Variants in NEGR1 observed in about 807,000 individuals in gnomAD.
NEGR1 encodes the protein IgLON family member 4.
In NEGR1, 10 loss-of-function variants were observed where a neutral mutation model predicts 40.9. The ratio of observed to expected loss-of-function variants is 0.24; its 90% CI spans 0.15 to 0.42. NEGR1 has a LOEUF of 0.42. NEGR1 is among the 10% of genes least tolerant of loss of function. NEGR1 has a pLI of 1.00. For missense variants in NEGR1, 352 were observed against 438.9 expected (o/e 0.80, Z 1.77); for synonymous variants, 185 against 166.8 (o/e 1.11, Z -0.84).
intron 1 of NEGR1, among the ~76,000 whole-genome samples, chr1:71,969,529 A>ACAT (rs1646238768): frequency 6.6e-6 from 1 of 152,164 alleles, no homozygotes; most frequent in Non-Finnish European, 1.5e-5. Flanking sequence ...CCAGTCAATC[A>ACAT]CATTTTCTGC....
chr1:72,236,935 T>C (rs1654568137), intron 1 of NEGR1, among the ~76,000 whole-genome samples: 1 of 152,016 alleles, frequency 6.6e-6, no homozygotes, highest in Non-Finnish European at 1.5e-5. Flanking sequence ...TTTTGTATTA[T>C]TGAGGATAGT....
At chr1:71,770,068 A>C (rs1270194590) in intron 3 of NEGR1, among the ~76,000 whole-genome samples, 1 of 152,184 alleles carries the variant, frequency 6.6e-6, no homozygotes, top group South Asian at 2.1e-4. Flanking sequence ...GCACCATCTC[A>C]TAAGTAAATT....
At chr1:71,426,447 T>C (rs1343518504) in intron 6 of NEGR1, among the ~76,000 whole-genome samples, 3 of 152,188 alleles carry the variant, frequency 2.0e-5, no homozygotes, top group Admixed American at 6.5e-5. Flanking sequence ...AATAGCAATT[T>C]ATGTTAAAAG....
At chr1:72,057,870 A>T (rs1282096957) in intron 1 of NEGR1, among the ~76,000 whole-genome samples, 2 of 151,360 alleles carry the variant, frequency 1.3e-5, no homozygotes, top group Non-Finnish European at 3.0e-5. Context: ...GCACCAGCCT[A>T]TGGGATTAGG....
chr1:71,801,108 T>G (rs1010247731), intron 2 of NEGR1, among the ~76,000 whole-genome samples: 9 of 152,168 alleles, frequency 5.9e-5, no homozygotes, highest in African/African-American at 2.2e-4. Flanking sequence ...TTACTCAACG[T>G]TTAGAATAAT....
intron 6 of NEGR1, among the ~76,000 whole-genome samples, chr1:71,443,850 A>T (rs1158563229): frequency 6.6e-6 from 1 of 152,222 alleles, no homozygotes; most frequent in Non-Finnish European, 1.5e-5. Flanking sequence ...GTCGTGATTA[A>T]CTGAGGTCCA....
rs1479618311 is a variant in NEGR1 at position 71,636,971 on chromosome 1, A to G, written c.668-25825T>C. On this transcript the variant is annotated intron_variant, in intron 4 of 6. Coordinates refer to ENST00000357731, the MANE Select transcript of NEGR1 (RefSeq NM_173808.3). ...TAAAAATCCTTACAAGTATTTATGT[A>G]CGGAATAGGAATAGTATGAAAAGAC... 2.0e-5 allele frequency among the ~76,000 whole-genome samples: 3 copies of G among 152,214 alleles called. No individual in the cohort carries two copies. The East Asian group carries it at 5.8e-4, about 29-fold the overall frequency.
intron 1 of NEGR1, among the ~76,000 whole-genome samples, chr1:71,955,014 T>C (rs1341642469): frequency 6.6e-6 from 1 of 152,170 alleles, no homozygotes; most frequent in Non-Finnish European, 1.5e-5. Flanking sequence ...AAATTAATAG[T>C]TTAAAGCAAC....
chr1:71,585,297 A>G (rs1649266505), intron 6 of NEGR1, among the ~76,000 whole-genome samples: 1 of 152,130 alleles, frequency 6.6e-6, no homozygotes, highest in East Asian at 1.9e-4. Context: ...TTACAGCTGA[A>G]AGGTAACATG....
intron 6 of NEGR1, among the ~76,000 whole-genome samples, chr1:71,447,837 A>AT (rs979577937): frequency 5.9e-5 from 9 of 152,178 alleles, no homozygotes; most frequent in East Asian, 1.9e-4. Flanking sequence ...TGAATGAAAT[A>AT]TTTTTTTCTG....
intron 6 of NEGR1, among the ~76,000 whole-genome samples, chr1:71,494,058 C>T (rs1479061602): frequency 6.6e-6 from 1 of 152,164 alleles, no homozygotes; most frequent in Non-Finnish European, 1.5e-5. Flanking sequence ...GGAATTTCAC[C>T]TCATCAAAGA....
At chr1:71,583,687 G>A (rs1399836962) in intron 6 of NEGR1, among the ~76,000 whole-genome samples, 1 of 152,056 alleles carries the variant, frequency 6.6e-6, no homozygotes, top group Non-Finnish European at 1.5e-5. Context: ...CTATAGTTAT[G>A]GTCACTAATT....
chr1:71,981,472 G>A (rs1646353883), intron 1 of NEGR1, among the ~76,000 whole-genome samples: 1 of 152,108 alleles, frequency 6.6e-6, no homozygotes, highest in Non-Finnish European at 1.5e-5. Flanking sequence ...GAACAGGACT[G>A]GGTATTTGAA....
chr1:72,216,875 C>T (rs886247235), intron 1 of NEGR1, among the ~76,000 whole-genome samples: 3 of 151,332 alleles, frequency 2.0e-5, no homozygotes, highest in Non-Finnish European at 4.4e-5. Context: ...ATTTAAAGTG[C>T]TATAAAAATA....
chr1:72,145,152 A>C (rs1650858811), intron 1 of NEGR1, among the ~76,000 whole-genome samples: 2 of 152,060 alleles, frequency 1.3e-5, no homozygotes, highest in South Asian at 4.1e-4. Context: ...AAAGGGAAAA[A>C]AATTCAGTGA....
chr1:72,118,179 A>C (rs2100284293), intron 1 of NEGR1, among the ~76,000 whole-genome samples: 1 of 151,956 alleles, frequency 6.6e-6, no homozygotes, highest in African/African-American at 2.4e-5. Flanking sequence ...TTGATTAAGG[A>C]GATATAGCAT....
intron 1 of NEGR1, among the ~76,000 whole-genome samples, chr1:71,957,456 T>C (rs1570552259): frequency 6.6e-6 from 1 of 152,258 alleles, no homozygotes; most frequent in East Asian, 1.9e-4. Flanking sequence ...GATATATACT[T>C]GGTATTTTTA....
chr1:71,794,441 T>A (rs970951492), intron 2 of NEGR1: 1 of 152,008 alleles, frequency 6.6e-6, no homozygotes, highest in Non-Finnish European at 1.5e-5. Context: ...CTCACAGCAC[T>A]CACAGAACAG....
intron 1 of NEGR1, among the ~76,000 whole-genome samples, chr1:71,942,472 TATATA>T (rs1645970789): frequency 6.8e-5 from 1 of 14,680 alleles, no homozygotes; most frequent in Non-Finnish European, 1.6e-4. Flanking sequence ...TATATATATA[TATATA>T]TATATATTTT....
Sources: allele counts gnomAD v4.1 joint callset (sites outside exome capture counted in the v4.1 genomes callset), GRCh38; gene constraint gnomAD v4.1.1; transcripts MANE v1.5; gene names NCBI Gene and HGNC (gene_info 2026-07-23, HGNC 2026-07-21).